Variants in FBN2 observed in about 807,000 individuals in gnomAD.
The protein encoded by FBN2 is fibrillin-2.
Under a neutral mutation model 355.6 loss-of-function variants are expected in FBN2, and 105 were observed. The observed-to-expected ratio is 0.30, with a 90% CI of 0.25 to 0.35. The LOEUF (loss-of-function observed/expected upper bound fraction) is 0.35. Among genes scored for constraint, FBN2 ranks in the 10% least tolerant of loss-of-function variants. The pLI is 1.00. For synonymous variants in FBN2, 1,350 were observed against 1,301.2 expected (o/e 1.04, Z -0.81); for missense variants, 3,280 against 3,758.7 (o/e 0.87, Z 3.33).
chr5:128,382,045 G>A (rs1295906936), intron 11 of FBN2, among the ~76,000 whole-genome samples: 1 of 151,946 alleles, frequency 6.6e-6, no homozygotes, highest in Non-Finnish European at 1.5e-5. Context: ...CATCTATACT[G>A]TTTAATGGAA....
Position 128,357,402 on chromosome 5 carries a change from T to A in FBN2, c.2555-7A>T, listed in dbSNP as rs28763949. The A allele has an allele frequency of 1.9e-6, 3 of 1,613,738 alleles. No individual in the cohort carries two copies. Among genetic ancestry groups the A allele is most frequent in the Non-Finnish European group, 2.5e-6 (3 of 1,179,698 alleles). ...CTTTCACATTCATTTATATCTACAA[T>A]CCAGAAGGAAAAGATTCTGTTAGAA... On this transcript the variant is annotated splice_polypyrimidine_tract_variant and splice_region_variant and intron_variant, in intron 19 of 64. Transcript: ENST00000262464.
intron 16 of FBN2, among the ~76,000 whole-genome samples, chr5:128,367,469 T>A (rs920396335): frequency 3.2e-4 from 48 of 152,266 alleles, no homozygotes; most frequent in African/African-American, 1.1e-3. Flanking sequence ...TCCTTATTGA[T>A]TAATGTAAAT....
In FBN2 at chr5:128,276,050, T is replaced by G. The variant is rs894902794; in HGVS notation, c.7582A>C (p.Lys2528Gln). 3.7e-6 allele frequency: 6 copies of G among 1,613,718 alleles called. No individual in the cohort carries two copies. The highest frequency in any genetic ancestry group is 5.1e-6 in the Non-Finnish European group (6 of 1,179,768). ...ACTCTTCACTCACCTTTGCATGTCTTTCCATCCTCTTGCAGGACATACCCC... is the reference window on the plus strand; with the variant it reads ...ACTCTTCACTCACCTTTGCATGTCTGTCCATCCTCTTGCAGGACATACCCC... ...PRGYVLQEDG[K>Q]TCKDLDECQT... is the part of the protein sequence containing the mutation. Residue 2528 changes from lysine (K) to glutamine (Q), a missense_variant, in exon 59 of 65, where the codon AAG becomes CAG. Lys to Gln is a moderately conservative substitution (Grantham distance 53). Transcript: ENST00000262464.
chr5:128,408,708 T>A lies in FBN2; in HGVS notation c.1044A>T (p.Gly348=), dbSNP rs1018293649. 2.5e-6 allele frequency: 4 copies of A among 1,613,998 alleles called. No individual in the cohort carries two copies. Among genetic ancestry groups the A allele is most frequent in the Non-Finnish European group, 1.7e-6 (2 of 1,179,930 alleles). ...GAGAGCCATCTGTTGAGGTTACATATCCACGTGGACAAACACAAAAATAGC... is the reference window on the plus strand; with the variant it reads ...GAGAGCCATCTGTTGAGGTTACATAACCACGTGGACAAACACAAAAATAGC... ...VGSYFCVCPR[G]YVTSTDGSRC... is the part of the protein sequence containing the mutation. Residue 348 remains glycine (G), a synonymous_variant, in exon 8 of 65, where the codon GGA becomes GGT. Transcript: ENST00000262464.
At chr5:128,386,603 G>A (rs1752372149) in intron 11 of FBN2, among the ~76,000 whole-genome samples, 1 of 151,970 alleles carries the variant, frequency 6.6e-6, no homozygotes, top group African/African-American at 2.4e-5. Flanking sequence ...TCTGTAAATT[G>A]CTTTGAGCAC....
intron 4 of FBN2, among the ~76,000 whole-genome samples, chr5:128,527,322 T>C (rs1253671923): frequency 2.0e-5 from 3 of 152,164 alleles, no homozygotes; most frequent in African/African-American, 7.2e-5. Flanking sequence ...CCAGTTTTGC[T>C]GGGTTACAGC....
intron 31 of FBN2, among the ~76,000 whole-genome samples, chr5:128,333,839 TCACACACACACA>T (rs368334500): frequency 6.5e-5 from 8 of 122,950 alleles, no homozygotes; most frequent in Admixed American, 8.7e-5. Context: ...GATGCTGAAA[TCACACACACACA>T]CACACACACA....
intron 51 of FBN2, among the ~76,000 whole-genome samples, 162 bp downstream of exon 51, chr5:128,289,715 TTATGA>T (rs1300529254): frequency 1.3e-5 from 2 of 152,188 alleles, no homozygotes; most frequent in African/African-American, 2.4e-5. Context: ...CGATATAATC[TTATGA>T]TATATGTATA....
intron 23 of FBN2, among the ~76,000 whole-genome samples, chr5:128,347,463 T>C (rs1197236874): frequency 6.6e-6 from 1 of 152,164 alleles, no homozygotes; most frequent in African/African-American, 2.4e-5. Context: ...TTGGAAACCT[T>C]TGGATGGTCC....
At chr5:128,487,769 G>A (rs988072328) in intron 5 of FBN2, among the ~76,000 whole-genome samples, 2 of 151,910 alleles carry the variant, frequency 1.3e-5, no homozygotes, top group Non-Finnish European at 2.9e-5. Context: ...CCAATGATAA[G>A]AAAAAATTAT....
At position 128,395,111 on chromosome 5, in the gene FBN2, C is replaced by A. The variant is rs1207102541; in HGVS notation, c.1231+11G>T. On this transcript the variant is annotated intron_variant, in intron 9 of 64. Coordinates refer to ENST00000262464, the MANE Select transcript of FBN2 (RefSeq NM_001999.4). ...TGTCTGTGCTGAGGAGACTAACAGC[C>A]AGCCACGTACCAGAACCTCTGACAG... 1 of 1,614,008 alleles carries A rather than the reference C, an allele frequency of 6.2e-7. No individual in the cohort carries two copies. The highest frequency in any genetic ancestry group is 8.5e-7 in the Non-Finnish European group (1 of 1,179,924).
chr5:128,300,546 CT>C (rs1749684269), intron 48 of FBN2, among the ~76,000 whole-genome samples: 1 of 152,226 alleles, frequency 6.6e-6, no homozygotes, highest in Non-Finnish European at 1.5e-5. Context: ...CTGAAAGTCG[CT>C]GCTGACATTT....
At chr5:128,334,598 A>G in intron 31 of FBN2, 121 bp downstream of exon 31, 1 of 1,049,108 alleles carries the variant, frequency 9.5e-7, no homozygotes, top group African/African-American at 1.6e-5. Flanking sequence ...CTCATCACAC[A>G]CACAGTCACA....
At position 128,307,199 on chromosome 5, in the gene FBN2, G is replaced by A. The variant is rs777098975; in HGVS notation, c.5358C>T (p.Asp1786=). The A allele has an allele frequency of 1.3e-6, 2 of 1,598,858 alleles. No individual in the cohort carries two copies. Among genetic ancestry groups the A allele is most frequent in the South Asian group, 1.1e-5 (1 of 90,838 alleles). The change falls in exon 42 of 65, where the codon GAC becomes GAT. Residue 1786 remains aspartate (D), a synonymous_variant. Transcript: ENST00000262464. Reference sequence around the variant, plus strand: ...GAATATTTCCACATATGGTTTTAAAGTCAGCTTTAAAATATAAACAAAGCA... The same window carrying A: ...GAATATTTCCACATATGGTTTTAAAATCAGCTTTAAAATATAAACAAAGCA... ...CEPCPTPGTA[D]FKTICGNIPG...
intron 7 of FBN2, among the ~76,000 whole-genome samples, chr5:128,415,500 T>C (rs1214259037): frequency 6.6e-6 from 1 of 152,186 alleles, no homozygotes; most frequent in Non-Finnish European, 1.5e-5. Context: ...ATAAATACCC[T>C]CCAGTTCCAC....
At chr5:128,506,925 G>T (rs1208444263) in intron 5 of FBN2, among the ~76,000 whole-genome samples, 1 of 151,908 alleles carries the variant, frequency 6.6e-6, no homozygotes, top group East Asian at 1.9e-4. Context: ...AATATCATAG[G>T]ATAAATCTCA....
chr5:128,474,190 A>G (rs1754948921), intron 5 of FBN2, among the ~76,000 whole-genome samples: 2 of 152,242 alleles, frequency 1.3e-5, no homozygotes, highest in Non-Finnish European at 2.9e-5. Flanking sequence ...AACTTACTTT[A>G]AGGACAACAA....
intron 56 of FBN2, 108 bp from the exon 57 acceptor site, chr5:128,278,949 GA>G: frequency 4.6e-6 from 4 of 874,792 alleles, no homozygotes; most frequent in Non-Finnish European, 7.4e-6. Flanking sequence ...GAATAATTAA[GA>G]CAGCTTAATG....
chr5:128,311,940 G>A lies in FBN2; in HGVS notation c.4893C>T (p.Thr1631=), dbSNP rs1264549623. ...TGAAGCCTTCACCTCCGGGACACAG[G>A]GTGTAATATTCAGCTACAAAACAAT... is the stretch of plus-strand genomic sequence containing the variant. ...CPPVNSTEYY[T]LCPGGEGFRP... Residue 1631 remains threonine (T), a synonymous_variant, in exon 38 of 65, where the codon ACC becomes ACT. Coordinates refer to ENST00000262464, the MANE Select transcript of FBN2 (RefSeq NM_001999.4). 1.2e-6 allele frequency: 2 copies of A among 1,610,346 alleles called. No homozygotes were observed. Among genetic ancestry groups the A allele is most frequent in the Admixed American group, 1.7e-5 (1 of 59,984 alleles).
Sources: gnomAD v4.1 joint callset for allele counts (sites outside exome capture counted in the v4.1 genomes callset) on GRCh38, gnomAD v4.1.1 for gene constraint, MANE v1.5 for transcripts, NCBI Gene and HGNC (gene_info 2026-07-23, HGNC 2026-07-21) for gene names.